Variants in ZFR observed in about 807,000 individuals in gnomAD.
The protein encoded by ZFR is zinc finger RNA binding protein.
ZFR carries 19 observed loss-of-function variants against 130.7 expected under a neutral mutation model. That is an observed-to-expected ratio of 0.15 (90% confidence interval 0.10 to 0.21). The LOEUF is 0.21. ZFR is among the 10% of genes least tolerant of loss of function. The pLI, the probability that ZFR is intolerant of heterozygous loss-of-function variation, is 1.00. For missense variants in ZFR, 872 were observed against 1,321.5 expected, an observed-to-expected ratio of 0.66 and a Z score of 5.27; for synonymous variants, 466 against 456.9, an observed-to-expected ratio of 1.02 and a Z score of -0.25.
chr5:32,423,346 A>T (rs536033378), intron 2 of ZFR, among the ~76,000 whole-genome samples: 43 of 152,258 alleles, frequency 2.8e-4, no homozygotes, highest in South Asian at 6.2e-4. Flanking sequence ...AATTTTTTTT[A>T]AATTTAAAAA....
intron 17 of ZFR, among the ~76,000 whole-genome samples, chr5:32,377,737 G>C (rs755634690): frequency 6.6e-6 from 1 of 151,916 alleles, no homozygotes; most frequent in Non-Finnish European, 1.5e-5. Flanking sequence ...ACCCAGACTA[G>C]AGATAGTGGC....
chr5:32,383,041 C>T (rs1289935735), intron 15 of ZFR, among the ~76,000 whole-genome samples: 2 of 152,110 alleles, frequency 1.3e-5, no homozygotes, highest in Non-Finnish European at 2.9e-5. Flanking sequence ...GCTGTGTCCA[C>T]ACTATTTTAA....
intron 1 of ZFR, 118 bp downstream of exon 1, chr5:32,444,504 A>G: frequency 7.6e-7 from 1 of 1,320,720 alleles, no homozygotes. Context: ...ACTCACTCGC[A>G]CGCCCGGGTG....
At chr5:32,365,997 T>C (rs1208907526) in intron 17 of ZFR, among the ~76,000 whole-genome samples, 2 of 152,210 alleles carry the variant, frequency 1.3e-5, no homozygotes, top group East Asian at 1.9e-4. Flanking sequence ...TGTGTATGTA[T>C]GGAATATGCA....
At chr5:32,399,326 C>G (rs1432171272) in intron 9 of ZFR, among the ~76,000 whole-genome samples, 1 of 150,648 alleles carries the variant, frequency 6.6e-6, no homozygotes, top group African/African-American at 2.4e-5. Context: ...CTCCTAGATG[C>G]TAGACACCAT....
At chr5:32,400,429 C>A (rs1432826383) in intron 8 of ZFR, among the ~76,000 whole-genome samples, 2 of 152,148 alleles carry the variant, frequency 1.3e-5, no homozygotes, top group Non-Finnish European at 2.9e-5. Flanking sequence ...ACACCCAACA[C>A]CCTCCTCATC....
At chr5:32,400,565 C>T (rs1178480254) in intron 8 of ZFR, among the ~76,000 whole-genome samples, 2 of 152,130 alleles carry the variant, frequency 1.3e-5, no homozygotes, top group African/African-American at 4.8e-5. Flanking sequence ...TGCTAACTTC[C>T]AGTTGGGTGT....
chr5:32,426,039 A>G (rs1754065473), intron 2 of ZFR, among the ~76,000 whole-genome samples: 1 of 152,176 alleles, frequency 6.6e-6, no homozygotes, highest in Non-Finnish European at 1.5e-5. Context: ...TCTGTCACGC[A>G]ACAGGAAAAT....
chr5:32,367,690 A>C (rs1417396142), intron 17 of ZFR, among the ~76,000 whole-genome samples: 1 of 152,138 alleles, frequency 6.6e-6, no homozygotes, highest in East Asian at 1.9e-4. Flanking sequence ...ATGAGATTAC[A>C]GGCCAAAGTG....
intron 17 of ZFR, among the ~76,000 whole-genome samples, chr5:32,368,149 G>A (rs1432131184): frequency 6.6e-6 from 1 of 152,194 alleles, no homozygotes; most frequent in African/African-American, 2.4e-5. Flanking sequence ...GCCACCTGAT[G>A]AGATTTCAGT....
intron 8 of ZFR, among the ~76,000 whole-genome samples, chr5:32,400,479 A>G (rs1198382809): frequency 2.0e-5 from 3 of 152,200 alleles, no homozygotes; most frequent in Non-Finnish European, 4.4e-5. Context: ...AATGGTAAGG[A>G]CTAAGCCTAA....
intron 17 of ZFR, among the ~76,000 whole-genome samples, chr5:32,376,308 TA>T (rs1183017669): frequency 6.6e-6 from 1 of 152,080 alleles, no homozygotes; most frequent in African/African-American, 2.4e-5. Flanking sequence ...AATTTACATA[TA>T]CATATCTATA....
intron 17 of ZFR, among the ~76,000 whole-genome samples, chr5:32,366,168 T>A (rs1266440304): frequency 1.3e-5 from 2 of 152,180 alleles, no homozygotes; most frequent in Non-Finnish European, 2.9e-5. Flanking sequence ...GTGAGAATAA[T>A]CCTGACAATT....
intron 17 of ZFR, among the ~76,000 whole-genome samples, chr5:32,370,847 A>G (rs559365867): frequency 6.6e-6 from 1 of 152,354 alleles, no homozygotes. Context: ...AACTAATTTG[A>G]AGGCAGAACA....
At chr5:32,401,001 A>C (rs1753437547) in intron 8 of ZFR, among the ~76,000 whole-genome samples, 3 of 152,232 alleles carry the variant, frequency 2.0e-5, no homozygotes, top group African/African-American at 7.2e-5. Context: ...ATCACTGTTT[A>C]TTTCCTTTAA....
At chr5:32,389,349 TA>T (rs951452003) in intron 12 of ZFR, among the ~76,000 whole-genome samples, 4 of 151,966 alleles carry the variant, frequency 2.6e-5, no homozygotes, top group African/African-American at 9.7e-5. Flanking sequence ...TTCTTTCTAT[TA>T]AAAAAAAATT....
chr5:32,422,822 A>AAAAAAAAAAT, intron 2 of ZFR, among the ~76,000 whole-genome samples: 1 of 144,864 alleles, frequency 6.9e-6, no homozygotes. Context: ...AAAAAAAAAA[A>AAAAAAAAAAT]GGAAGCCAAG....
chr5:32,372,157 C>T (rs1240694938), intron 17 of ZFR, among the ~76,000 whole-genome samples: 3 of 152,160 alleles, frequency 2.0e-5, no homozygotes, highest in Non-Finnish European at 4.4e-5. Flanking sequence ...AAATCCTACT[C>T]CTTTTCATAA....
chr5:32,361,462 CT>C (rs1263266160), intron 19 of ZFR, among the ~76,000 whole-genome samples: 1 of 152,096 alleles, frequency 6.6e-6, no homozygotes, highest in Non-Finnish European at 1.5e-5. Flanking sequence ...TATACTAATT[CT>C]TTATTCAGAG....
Sources: allele counts gnomAD v4.1 joint callset (sites outside exome capture counted in the v4.1 genomes callset), GRCh38; gene constraint gnomAD v4.1.1; transcripts MANE v1.5; gene names NCBI Gene and HGNC (gene_info 2026-07-23, HGNC 2026-07-21).